RFPL1: variants seen among roughly 807,000 people sequenced by gnomAD.
RFPL1 encodes ret finger protein like 1.
A neutral mutation model predicts 9.6 loss-of-function variants in RFPL1; 6 were observed. That is an observed-to-expected ratio of 0.62 (90% CI 0.34 to 1.23). RFPL1 has a LOEUF of 1.23. Ranked by LOEUF, RFPL1 falls within the 50% of genes most tolerant of loss-of-function variation. RFPL1 has a pLI of 0.03. For missense variants in RFPL1, 352 were observed against 398.4 expected (o/e 0.88, Z 0.99); for synonymous variants, 145 against 149.4 (o/e 0.97, Z 0.22).
chr22:29,422,333 CT>C, the RFPL1 span, among the ~76,000 whole-genome samples: 1 of 152,218 alleles, frequency 6.6e-6, no homozygotes, highest in African/African-American at 2.4e-5. Flanking sequence ...AATCCTAGCA[CT>C]TTGGGAGGCT....
the RFPL1 span, chr22:29,423,105 C>G: frequency 8.5e-6 from 12 of 1,411,486 alleles, no homozygotes; most frequent in Admixed American, 1.5e-4. Context: ...GGACAAGGCC[C>G]ATTATTAAAC....
Position 29,441,524 on chromosome 22 carries a change from T to A in RFPL1, c.374-18T>A. 1 of 1,600,682 alleles carries A rather than the reference T, an allele frequency of 6.2e-7. No homozygotes were observed. The highest frequency in any genetic ancestry group is 8.5e-7 in the Non-Finnish European group (1 of 1,170,764). Reference sequence around the variant, plus strand: ...GGCTTCTGTCCATTTTCTGATCAACTTTTTTTCCTTTTCACAGTGGATATG... The same window carrying A: ...GGCTTCTGTCCATTTTCTGATCAACATTTTTTCCTTTTCACAGTGGATATG... On this transcript the variant is annotated intron_variant, in intron 1 of 1. Coordinates refer to ENST00000354373, the Ensembl canonical transcript of RFPL1.
chr22:29,426,184 G>A, the RFPL1 span, among the ~76,000 whole-genome samples: 4 of 149,990 alleles, frequency 2.7e-5, no homozygotes, highest in Non-Finnish European at 5.9e-5. Flanking sequence ...TTAGCCAGAC[G>A]TGGTGGCAAG....
the RFPL1 span, among the ~76,000 whole-genome samples, chr22:29,389,660 T>G: frequency 2.3e-5 from 3 of 131,962 alleles, no homozygotes; most frequent in Non-Finnish European, 3.1e-5. Context: ...CACTCCAGCC[T>G]GGGCGACAGA....
chr22:29,410,755 G>T, the RFPL1 span, among the ~76,000 whole-genome samples: 1 of 150,396 alleles, frequency 6.6e-6, no homozygotes, highest in Non-Finnish European at 1.5e-5. Flanking sequence ...CAGGTTTGAG[G>T]ACTTCTCCGG....
the RFPL1 span, chr22:29,423,248 G>A: frequency 7.9e-7 from 1 of 1,265,166 alleles, no homozygotes; most frequent in Non-Finnish European, 1.2e-6. Flanking sequence ...CTTCAGTTAT[G>A]GTGCAGAGGG....
intron 1 of RFPL1, chr22:29,441,228 C>G: frequency 2.6e-6 from 1 of 378,310 alleles, no homozygotes; most frequent in Non-Finnish European, 4.8e-6. Context: ...TTTCATGCAT[C>G]AAGGTGGTAG....
the RFPL1 span, among the ~76,000 whole-genome samples, chr22:29,407,288 T>G: frequency 1.3e-5 from 2 of 152,156 alleles, no homozygotes; most frequent in Admixed American, 6.5e-5. Flanking sequence ...AGATGGGATT[T>G]CACCATGTTG....
the RFPL1 span, among the ~76,000 whole-genome samples, chr22:29,403,741 C>T: frequency 2.0e-5 from 3 of 152,216 alleles, no homozygotes; most frequent in African/African-American, 7.2e-5. Flanking sequence ...ACTGCAGTGT[C>T]TCTCCTATTA....
At chr22:29,405,805 G>C in the RFPL1 span, among the ~76,000 whole-genome samples, 2 of 152,132 alleles carry the variant, frequency 1.3e-5, no homozygotes, top group East Asian at 1.9e-4. Context: ...GCTAATGTGG[G>C]GATCAAAGAA....
At chr22:29,410,303 T>TAG in the RFPL1 span, among the ~76,000 whole-genome samples, 990 of 100,934 alleles carry the variant, frequency 9.8e-3, 81 homozygotes, top group East Asian at 0.034. Context: ...TGTAGATATA[T>TAG]ATCTATATAT....
upstream of RFPL1, chr22:29,437,478 A>C (rs530599899): frequency 1.2e-6 from 1 of 826,448 alleles, no homozygotes; most frequent in African/African-American, 1.8e-5. Context: ...TCTTATCTTC[A>C]TATGAAAGAA....
At chr22:29,399,994 C>CTTTTTTTTTTT in the RFPL1 span, among the ~76,000 whole-genome samples, 3 of 116,274 alleles carry the variant, frequency 2.6e-5, no homozygotes, top group East Asian at 2.7e-4. Context: ...CTTTTCTTTT[C>CTTTTTTTTTTT]TTTTTTTTTT....
chr22:29,441,108 GA>G (rs1292810145), intron 1 of RFPL1: 17 of 166,684 alleles, frequency 1.0e-4, no homozygotes, highest in Non-Finnish European at 1.7e-4. Context: ...TACAAACATG[GA>G]AAACAAAGGC....
chr22:29,399,716 CTGTGGCCCCTTT>C, the RFPL1 span, among the ~76,000 whole-genome samples: 428 of 152,354 alleles, frequency 2.8e-3, 1 homozygote, highest in African/African-American at 9.1e-3. Context: ...ATAACACTCC[CTGTGGCCCCTTT>C]TGTGGCCCCT....
At chr22:29,421,663 G>A in the RFPL1 span, among the ~76,000 whole-genome samples, 9 of 151,088 alleles carry the variant, frequency 6.0e-5, no homozygotes, top group African/African-American at 2.2e-4. Flanking sequence ...ACCTCTTCTT[G>A]TATCACCCTC....
the RFPL1 span, among the ~76,000 whole-genome samples, chr22:29,401,500 C>T: frequency 6.6e-6 from 1 of 152,228 alleles, no homozygotes; most frequent in Non-Finnish European, 1.5e-5. Context: ...AGGGGAGAAT[C>T]ACTGCTATTT....
the RFPL1 span, among the ~76,000 whole-genome samples, chr22:29,427,064 G>C: frequency 6.6e-6 from 1 of 152,210 alleles, no homozygotes; most frequent in African/African-American, 2.4e-5. Context: ...GTGATTTGGG[G>C]TTGGGGTGGC....
chr22:29,442,349 T>C (rs1226491408), exon 2 of RFPL1: 3 of 377,764 alleles, frequency 7.9e-6, no homozygotes, highest in Non-Finnish European at 1.4e-5. Context: ...TTGTTTCCTA[T>C]AGAAATATTC....
Sources: allele counts gnomAD v4.1 joint callset (sites outside exome capture counted in the v4.1 genomes callset), GRCh38; gene constraint gnomAD v4.1.1; transcripts MANE v1.5; gene names NCBI Gene and HGNC (gene_info 2026-07-23, HGNC 2026-07-21).